Variants in CTNND2 observed in about 807,000 individuals in gnomAD.
CTNND2 encodes catenin delta-2.
A neutral mutation model predicts 144.4 loss-of-function variants in CTNND2; 22 were observed. The ratio of observed to expected loss-of-function variants is 0.15; its 90% CI spans 0.11 to 0.22. The LOEUF (loss-of-function observed/expected upper bound fraction) is 0.22, where lower values mean the gene tolerates loss of function less well. Among genes scored for constraint, CTNND2 ranks in the 10% least tolerant of loss-of-function variants. The pLI, the probability that CTNND2 is intolerant of heterozygous loss-of-function variation, is 1.00. For synonymous variants in CTNND2, 751 were observed against 695.6 expected (o/e 1.08, Z -1.25); for missense variants, 1,353 against 1,618.8 (o/e 0.84, Z 2.82).
intron 9 of CTNND2, among the ~76,000 whole-genome samples, chr5:11,343,962 G>T (rs1282824408): frequency 6.6e-6 from 1 of 152,144 alleles, no homozygotes; most frequent in Non-Finnish European, 1.5e-5. Context: ...AAATAAGTGT[G>T]AGCCCTAGAA....
At chr5:10,981,606 C>CAG (rs1491142211) in intron 21 of CTNND2, among the ~76,000 whole-genome samples, 167 bp downstream of exon 21, 1 of 151,374 alleles carries the variant, frequency 6.6e-6, no homozygotes, top group African/African-American at 2.4e-5. Flanking sequence ...CACACACACA[C>CAG]AGAGACACAC....
At chr5:11,273,172 A>G (rs1297926498) in intron 9 of CTNND2, among the ~76,000 whole-genome samples, 5 of 152,204 alleles carry the variant, frequency 3.3e-5, no homozygotes, top group African/African-American at 1.2e-4. Flanking sequence ...CTCTTGGCCC[A>G]CGAAGCCTAG....
In CTNND2 at chr5:10,973,546, G is replaced by T; in HGVS notation, c.3585C>A (p.Gly1195=). ...CAGCTGAGTAGAAGTCAACGTAGTTGCCGGTGGACTTGAGACCCAGGTGCA... is the reference window on the plus strand; with the variant it reads ...CAGCTGAGTAGAAGTCAACGTAGTTTCCGGTGGACTTGAGACCCAGGTGCA... The part of the protein sequence containing the change: ...YTMHLGLKST[G]NYVDFYSAAR... Residue 1195 remains glycine (G), a synonymous_variant, in exon 22 of 22, where the codon GGC becomes GGA. Coordinates refer to ENST00000304623, the MANE Select transcript of CTNND2 (RefSeq NM_001332.4). The surrounding 1 kb of genome is among the most constrained non-coding windows in gnomAD (Gnocchi z 5.6). 2.5e-6 allele frequency: 4 copies of T among 1,614,144 alleles called. No homozygotes were observed. Among genetic ancestry groups the T allele is most frequent in the Non-Finnish European group, 3.4e-6 (4 of 1,180,010 alleles).
intron 1 of CTNND2, among the ~76,000 whole-genome samples, chr5:11,876,458 G>C (rs1735578087): frequency 6.6e-6 from 1 of 152,190 alleles, no homozygotes; most frequent in Admixed American, 6.5e-5. Context: ...CTAAGAGTCA[G>C]CAAGTCTAAC....
At chr5:11,874,972 C>A (rs1735448227) in intron 1 of CTNND2, among the ~76,000 whole-genome samples, 1 of 99,738 alleles carries the variant, frequency 1.0e-5, no homozygotes, top group East Asian at 2.3e-4. Flanking sequence ...TTCTTTCAAA[C>A]AATTGTGAAA....
intron 18 of CTNND2, among the ~76,000 whole-genome samples, chr5:11,003,461 C>T (rs1364855393): frequency 6.6e-6 from 1 of 152,080 alleles, no homozygotes; most frequent in African/African-American, 2.4e-5. Context: ...TGGAAGAAAC[C>T]TATTAATGTA....
At chr5:11,778,254 A>G (rs949571355) in intron 1 of CTNND2, among the ~76,000 whole-genome samples, 2 of 152,178 alleles carry the variant, frequency 1.3e-5, no homozygotes, top group Admixed American at 6.5e-5. Context: ...CTCAAAATGC[A>G]CATCATGTCT....
intron 9 of CTNND2, among the ~76,000 whole-genome samples, chr5:11,309,439 G>A (rs1003602402): frequency 1.3e-5 from 2 of 152,154 alleles, no homozygotes; most frequent in Admixed American, 6.5e-5. Context: ...TCCCCTGCTG[G>A]GTTGTAAACT....
chr5:11,143,244 C>G (rs555037821), intron 12 of CTNND2, among the ~76,000 whole-genome samples: 1 of 152,324 alleles, frequency 6.6e-6, no homozygotes, highest in South Asian at 2.1e-4. Flanking sequence ...CTCTCCATGA[C>G]TTCCCCTACC....
intron 14 of CTNND2, among the ~76,000 whole-genome samples, chr5:11,102,752 T>G (rs1353821415): frequency 6.6e-6 from 1 of 152,142 alleles, no homozygotes; most frequent in Non-Finnish European, 1.5e-5. Context: ...GTTAAGGGAC[T>G]GCTGAAATTT....
At chr5:11,150,664 G>A (rs1025550080) in intron 12 of CTNND2, among the ~76,000 whole-genome samples, 1 of 111,116 alleles carries the variant, frequency 9.0e-6, no homozygotes, top group Admixed American at 1.3e-4. Context: ...TTTTGCTCTT[G>A]TCGCCCAGGC....
intron 11 of CTNND2, among the ~76,000 whole-genome samples, chr5:11,165,922 G>C (rs992087507): frequency 2.6e-5 from 4 of 152,160 alleles, no homozygotes; most frequent in Non-Finnish European, 5.9e-5. Context: ...ATAAAAGCAA[G>C]TTTTAAATGA....
chr5:11,194,235 A>T lies in CTNND2; in HGVS notation c.1975+5213T>A, dbSNP rs1736629234. 2.0e-5 allele frequency among the ~76,000 whole-genome samples: 3 copies of T among 152,292 alleles called. No individual in the cohort carries two copies. The South Asian group carries it at 6.2e-4, about 32-fold the overall frequency. ...CCTGGTGGAACACTAGGAAAGATTTATACTCAAGAGATGGCAGGCACCTGG... is the reference window on the plus strand; with the variant it reads ...CCTGGTGGAACACTAGGAAAGATTTTTACTCAAGAGATGGCAGGCACCTGG... On this transcript the variant is annotated intron_variant, in intron 11 of 21. Transcript: ENST00000304623.
At position 11,584,425 on chromosome 5, in the gene CTNND2, TGG is replaced by T. The variant is rs202172529; in HGVS notation, c.175-19371_175-19370del. Among the ~76,000 whole-genome samples the T allele has an allele frequency of 2.4e-5, 3 of 124,242 alleles. No individual in the cohort carries two copies. The East Asian group carries it at 1.0e-3, about 43-fold the overall frequency. 81.5% of individuals were successfully genotyped at this position (124,242 alleles called of 152,430 possible). A position where few individuals can be genotyped will look rare whatever the true frequency, so the allele number is the denominator to read the frequency against. ...TATATACATATATATATATTTTTTT[TGG>T]GGGGGGGGAGGAGGAAGCTAGTACT... On this transcript the variant is annotated intron_variant, in intron 2 of 21. Coordinates refer to ENST00000304623, the MANE Select transcript of CTNND2 (RefSeq NM_001332.4).
intron 9 of CTNND2, among the ~76,000 whole-genome samples, chr5:11,261,792 G>T (rs1444772398): frequency 2.0e-5 from 3 of 152,226 alleles, no homozygotes; most frequent in East Asian, 1.9e-4. Context: ...AATGGATTTT[G>T]CAGCTTTTAT....
At chr5:11,066,475 C>G (rs1198442779) in intron 16 of CTNND2, among the ~76,000 whole-genome samples, 1 of 150,958 alleles carries the variant, frequency 6.6e-6, no homozygotes, top group Non-Finnish European at 1.5e-5. Flanking sequence ...CCACCCTGAC[C>G]CCTGCCATCC....
intron 16 of CTNND2, among the ~76,000 whole-genome samples, chr5:11,074,172 C>G (rs1011652274): frequency 1.3e-5 from 2 of 152,184 alleles, no homozygotes; most frequent in African/African-American, 2.4e-5. Context: ...GATCAGTGAC[C>G]CTCAAGAGGT....
intron 13 of CTNND2, among the ~76,000 whole-genome samples, chr5:11,117,010 C>G (rs7341068): frequency 0.14 from 21,663 of 151,618 alleles, 2,452 homozygotes; most frequent in East Asian, 0.45. Flanking sequence ...AGTGAGCCTT[C>G]ATTGCACCAC....
rs78249278 is a variant in CTNND2, at chr5:11,002,920, A to T, written c.3085-10243T>A. Among the ~76,000 whole-genome samples, 481 of 152,352 alleles carry T rather than the reference A, an allele frequency of 3.2e-3. 9 individuals carry two copies. In the East Asian group the frequency reaches 0.046, roughly 15 times the overall value. ...AGCTTCAAGAAATAATTAACTTTGA[A>T]AATGAACAATGCTTGTTTATTTCTA... On this transcript the variant is annotated intron_variant, in intron 18 of 21. Coordinates refer to ENST00000304623, the MANE Select transcript of CTNND2 (RefSeq NM_001332.4).
Sources: gnomAD v4.1 joint callset for allele counts (sites outside exome capture counted in the v4.1 genomes callset) on GRCh38, gnomAD v4.1.1 for gene constraint, Gnocchi (gnomAD v3.1) non-coding constraint, MANE v1.5 for transcripts, NCBI Gene and HGNC (gene_info 2026-07-23, HGNC 2026-07-21) for gene names.